ARHGEF16: variants seen among roughly 807,000 people sequenced by gnomAD.
ARHGEF16 encodes the protein Rho guanine nucleotide exchange factor 16.
ARHGEF16 carries 59 observed loss-of-function variants against 74.1 expected under a neutral mutation model. The ratio of observed to expected loss-of-function variants is 0.80; its 90% CI spans 0.65 to 0.99. The LOEUF is 0.99. ARHGEF16 is among the 50% of genes least tolerant of loss of function. ARHGEF16 has a pLI of 0.00. For missense variants in ARHGEF16, 948 were observed against 986.6 expected (o/e 0.96, Z 0.52); for synonymous variants, 415 against 412.6 (o/e 1.01, Z -0.07).
chr1:3,474,474 G>T, intron 8 of ARHGEF16: 1 of 498,416 alleles, frequency 2.0e-6, no homozygotes, highest in East Asian at 3.2e-5. Flanking sequence ...GGGAAGGGAA[G>T]GGTTCCAGGC....
Position 3,477,912 on chromosome 1 carries a change from A to C in ARHGEF16, c.1511A>C (p.Lys504Thr), listed in dbSNP as rs368039398. 1 of 1,612,502 alleles carries C rather than the reference A, an allele frequency of 6.2e-7. No homozygotes were observed. The highest frequency in any genetic ancestry group is 1.3e-5 in the African/African-American group (1 of 74,896). ...PLISASRWLL[K>T]RGELFLVEET... ...ATCTCTGCCTCCCGGTGGCTGCTGAAGCGCGGAGAGCTGTTCTTAGTGGAA... is the reference window on the plus strand; with the variant it reads ...ATCTCTGCCTCCCGGTGGCTGCTGACGCGCGGAGAGCTGTTCTTAGTGGAA... Residue 504 changes from lysine to threonine, a missense_variant, in exon 11 of 15, where the codon AAG becomes ACG. Physicochemically the swap from Lys to Thr is moderately conservative, Grantham distance 78. Coordinates refer to ENST00000378378, the MANE Select transcript of ARHGEF16 (RefSeq NM_014448.4).
Position 3,460,567 on chromosome 1 carries a change from C to T in ARHGEF16, c.-19-2499C>T, listed in dbSNP as rs556894803. ...ATTTAGAATAAAAGGACCGCAGGGC[C>T]GTAGACCGCCTACGCTGGCCACCCA... On this transcript the variant is annotated intron_variant, in intron 1 of 14. Transcript: ENST00000378378. 7.2e-5 allele frequency among the ~76,000 whole-genome samples: 11 copies of T among 152,328 alleles called. No homozygotes were observed. The East Asian group carries it at 1.5e-3, about 21-fold the overall frequency.
chr1:3,479,524 C>T lies in ARHGEF16; in HGVS notation c.1822C>T (p.Arg608Trp), dbSNP rs778212772. The T allele has an allele frequency of 1.3e-5, 21 of 1,612,404 alleles. No individual in the cohort carries two copies. The highest frequency in any genetic ancestry group is 1.7e-5 in the Non-Finnish European group (20 of 1,179,864). ...LLLSSDSASD[R>W]ARWIVALTHS... ...GCTGTCTCTGGTCCCCAGGAGTGAC[C>T]GGGCACGGTGGATCGTGGCGCTCAC... Residue 608 changes from arginine (R) to tryptophan (W), a missense_variant, in exon 13 of 15, where the codon CGG (arginine) becomes TGG (tryptophan). By Grantham distance (101) the Arg-to-Trp change is moderately radical. Transcript: ENST00000378378.
chr1:3,474,428 G>T, intron 8 of ARHGEF16: 1 of 429,392 alleles, frequency 2.3e-6, no homozygotes, highest in Non-Finnish European at 4.3e-6. Flanking sequence ...GGCCTCCACT[G>T]ACGATTCCCC....
intron 1 of ARHGEF16, among the ~76,000 whole-genome samples, 192 bp downstream of exon 1, chr1:3,455,003 C>T (rs1420452148): frequency 7.2e-5 from 11 of 152,138 alleles, no homozygotes; most frequent in Admixed American, 7.2e-4. Context: ...GCGGGAGAGG[C>T]GGGGCTCGCG....
intron 2 of ARHGEF16, 69 bp from the exon 3 acceptor site, chr1:3,466,079 G>T (rs1269421635): frequency 6.6e-7 from 1 of 1,523,324 alleles, no homozygotes; most frequent in Non-Finnish European, 8.9e-7. Context: ...GGGGTCCCAG[G>T]GCAGAATCGC....
chr1:3,472,135 T>C (rs1222644064), intron 6 of ARHGEF16, among the ~76,000 whole-genome samples: 1 of 152,210 alleles, frequency 6.6e-6, no homozygotes, highest in Non-Finnish European at 1.5e-5. Context: ...GCTCTTGGGC[T>C]GGGAGGACCT....
At position 3,463,566 on chromosome 1, in the gene ARHGEF16, T is replaced by G; in HGVS notation, c.482T>G (p.Leu161Arg). The G allele has an allele frequency of 6.9e-7, 1 of 1,452,230 alleles. No homozygotes were observed. Among genetic ancestry groups the G allele is most frequent in the Non-Finnish European group, 9.1e-7 (1 of 1,098,954 alleles). 90.0% of individuals were successfully genotyped at this position (1,452,230 alleles called of 1,614,324 possible). Residue 161 changes from leucine to arginine, a missense_variant, in exon 2 of 15, where the codon CTG (leucine) becomes CGG (arginine). Leu to Arg is a moderately radical substitution (Grantham distance 102, BLOSUM62 -2). Coordinates refer to ENST00000378378, the MANE Select transcript of ARHGEF16 (RefSeq NM_014448.4). ...NQSYRAAMKGLGKPGGQGDAI... is the reference protein window; with the variant it reads ...NQSYRAAMKGRGKPGGQGDAI... ...TCCTACCGGGCGGCCATGAAGGGCC[T>G]GGGGAAGCCAGGTGGCCAGGGAGAT...
chr1:3,467,664 C>T (rs774171724), intron 4 of ARHGEF16, among the ~76,000 whole-genome samples: 4 of 152,164 alleles, frequency 2.6e-5, no homozygotes, highest in Non-Finnish European at 5.9e-5. Flanking sequence ...GAATGATCTG[C>T]GTAGGGAGAC....
Position 3,463,395 on chromosome 1 carries a change from G to C in ARHGEF16, c.311G>C (p.Arg104Pro). ...GCCAGCAAGGCAAAGACCCCAGCCCGCCACCAGAGCTTCGGGGCGGCTGTA... is the reference window on the plus strand; with the variant it reads ...GCCAGCAAGGCAAAGACCCCAGCCCCCCACCAGAGCTTCGGGGCGGCTGTA... Reference protein sequence around the residue: ...AVASKAKTPARHQSFGAAVLS... With the variant: ...AVASKAKTPAPHQSFGAAVLS... Residue 104 changes from arginine to proline, a missense_variant, in exon 2 of 15, where the codon CGC becomes CCC. Physicochemically the swap from Arg to Pro is moderately radical, Grantham distance 103. Coordinates refer to ENST00000378378, the MANE Select transcript of ARHGEF16 (RefSeq NM_014448.4). 1 of 1,550,136 alleles carries C rather than the reference G, an allele frequency of 6.5e-7. No individual in the cohort carries two copies. The highest frequency in any genetic ancestry group is 1.2e-5 in the South Asian group (1 of 84,052).
chr1:3,474,163 A>G (rs1220702860), intron 8 of ARHGEF16: 1 of 191,996 alleles, frequency 5.2e-6, no homozygotes, highest in African/African-American at 2.3e-5. Flanking sequence ...CACAATGCAC[A>G]CGTTTGCATA....
chr1:3,479,754 G>A, intron 13 of ARHGEF16, 58 bp from the exon 14 acceptor site: 3 of 1,584,574 alleles, frequency 1.9e-6, no homozygotes, highest in South Asian at 1.1e-5. Flanking sequence ...AGGCCGTTGG[G>A]GAGTGGAGCC....
Position 3,475,930 on chromosome 1 carries a change from C to T in ARHGEF16, c.1381-40C>T, listed in dbSNP as rs1639857784. On this transcript the variant is annotated intron_variant, in intron 9 of 14. Coordinates refer to ENST00000378378, the MANE Select transcript of ARHGEF16 (RefSeq NM_014448.4). ...GGGCCGTGTGGGCTGTGCCAGGGCCCTGTAGCACCAGCCTCTCACACGGGA... is the reference window on the plus strand; with the variant it reads ...GGGCCGTGTGGGCTGTGCCAGGGCCTTGTAGCACCAGCCTCTCACACGGGA... 2.0e-6 allele frequency: 3 copies of T among 1,534,012 alleles called. No individual in the cohort carries two copies. The East Asian group carries it at 7.4e-5, about 38-fold the overall frequency.
At chr1:3,480,314 G>A (rs1557700586) in intron 14 of ARHGEF16, 134 bp from the exon 15 acceptor site, 1 of 1,309,734 alleles carries the variant, frequency 7.6e-7, no homozygotes, top group Non-Finnish European at 1.0e-6. Context: ...CTCAGCAGCT[G>A]TCTGCTCTGA....
chr1:3,461,207 A>C lies in ARHGEF16; in HGVS notation c.-19-1859A>C, dbSNP rs72852404. 7.7e-3 allele frequency among the ~76,000 whole-genome samples: 1,166 copies of C among 152,358 alleles called. 19 individuals carry two copies. The highest frequency in any genetic ancestry group is 0.026 in the African/African-American group (1,062 of 41,580). On this transcript the variant is annotated intron_variant, in intron 1 of 14. Coordinates refer to ENST00000378378, the MANE Select transcript of ARHGEF16 (RefSeq NM_014448.4). ...TTTTTAAAAGGGAAAGAATGAAAGC[A>C]GCGAGTTTTCTCCATGTCGTTACCT...
Position 3,473,513 on chromosome 1 carries a change from C to T in ARHGEF16, c.1296C>T (p.Leu432=), listed in dbSNP as rs1401901961. The change falls in exon 8 of 15, where the codon CTC becomes CTT. Residue 432 remains leucine, a synonymous_variant. Transcript: ENST00000378378. Reference sequence around the variant, plus strand: ...TGCAGCGGGTGACCCGGCTGCCCCTCCTGATGGATGTAAGTCCACGGCCTG... The same window carrying T: ...TGCAGCGGGTGACCCGGCTGCCCCTTCTGATGGATGTAAGTCCACGGCCTG... ...LPMQRVTRLP[L]LMDTLCLKTQ... is the part of the protein sequence containing the mutation. 2 of 1,608,940 alleles carry T rather than the reference C, an allele frequency of 1.2e-6. No individual in the cohort carries two copies. Among genetic ancestry groups the T allele is most frequent in the Admixed American group, 1.7e-5 (1 of 60,024 alleles).
chr1:3,473,550 G>A (rs749577594), intron 8 of ARHGEF16, 28 bp downstream of exon 8: 16 of 1,602,010 alleles, frequency 1.0e-5, no homozygotes, highest in Middle Eastern at 1.6e-4. Context: ...GGGTGGGGCC[G>A]GGCATACCAT....
chr1:3,472,971 C>T, intron 6 of ARHGEF16, 107 bp from the exon 7 acceptor site: 1 of 1,319,116 alleles, frequency 7.6e-7, no homozygotes, highest in Non-Finnish European at 1.0e-6. Flanking sequence ...CAGCTCCTGC[C>T]ACGTCCATGT....
chr1:3,463,722 G>A (rs1639468213), intron 2 of ARHGEF16, 50 bp downstream of exon 2: 1 of 1,338,358 alleles, frequency 7.5e-7, no homozygotes, highest in Non-Finnish European at 9.7e-7. Context: ...TAGGCAGAGG[G>A]GCGGCCTGGC....
Sources: allele counts gnomAD v4.1 joint callset (sites outside exome capture counted in the v4.1 genomes callset), GRCh38; gene constraint gnomAD v4.1.1; transcripts MANE v1.5; gene names NCBI Gene and HGNC (gene_info 2026-07-23, HGNC 2026-07-21).